The following C17orf75 variants were observed in gnomAD, a reference collection of about 807,000 sequenced individuals.
C17orf75 encodes the protein protein Njmu-R1.
A neutral mutation model predicts 49.6 loss-of-function variants in C17orf75; 32 were observed. The observed-to-expected ratio is 0.65, with a 90% confidence interval of 0.49 to 0.87. The LOEUF (loss-of-function observed/expected upper bound fraction) is 0.87. Among genes scored for constraint, C17orf75 ranks in the 40% least tolerant of loss-of-function variants. The pLI is 0.00. For missense variants in C17orf75, 428 were observed against 473.9 expected (o/e 0.90, Z 0.90); for synonymous variants, 158 against 159.5 (o/e 0.99, Z 0.07).
At chr17:32,341,066 G>C in intron 2 of C17orf75, 138 bp downstream of exon 2, 1 of 863,150 alleles carries the variant, frequency 1.2e-6, no homozygotes, top group South Asian at 1.5e-5. Flanking sequence ...ATCAGGATGA[G>C]GTTCCTAGGG....
chr17:32,344,043 G>C (rs1441158039), upstream of C17orf75: 1 of 668,496 alleles, frequency 1.5e-6, no homozygotes, highest in Non-Finnish European at 2.7e-6. Context: ...CATTGTACTT[G>C]AATAGCCGAC....
intron 1 of C17orf75, among the ~76,000 whole-genome samples, chr17:32,349,291 A>C (rs1232327676): frequency 6.6e-6 from 1 of 151,486 alleles, no homozygotes. Context: ...TCCTCAAGAA[A>C]CCTTTCTTAT....
At chr17:32,341,152 G>T in intron 2 of C17orf75, 52 bp downstream of exon 2, 1 of 1,571,226 alleles carries the variant, frequency 6.4e-7, no homozygotes, top group Non-Finnish European at 8.8e-7. Flanking sequence ...ACAGGCCAGA[G>T]ATGCAGGGAA....
chr17:32,342,594 C>G (rs1239163097), upstream of C17orf75, among the ~76,000 whole-genome samples: 1 of 152,196 alleles, frequency 6.6e-6, no homozygotes, highest in Non-Finnish European at 1.5e-5. Context: ...CCAAACATAA[C>G]AAAACACTTA....
At position 32,342,134 on chromosome 17, in the gene C17orf75, G is replaced by T. The variant is rs747363400; in HGVS notation, c.6C>A (p.Leu2=). 2 of 1,598,526 alleles carry T rather than the reference G, an allele frequency of 1.3e-6. No homozygotes were observed. The highest frequency in any genetic ancestry group is 1.1e-5 in the South Asian group (1 of 88,754). ...CATCCATCGACTCCTGCAAAGAGGG[G>T]AGCATTGCGGCGGCCTCTGAGCGGC... M[L]PSLQESMDGD... The change falls in exon 1 of 10, where the codon CTC becomes CTA. Residue 2 remains leucine (L), a synonymous_variant. Transcript: ENST00000577809.
At chr17:32,349,989 C>T (rs149688022) in exon 1 of C17orf75, 1 of 1,274,274 alleles carries the variant, frequency 7.8e-7, no homozygotes, top group Non-Finnish European at 1.0e-6. Context: ...GCTCCGCAAG[C>T]ACAGCCAGCG....
chr17:32,336,830 CTA>C (rs2041330501), intron 5 of C17orf75, among the ~76,000 whole-genome samples: 1 of 152,132 alleles, frequency 6.6e-6, no homozygotes, highest in South Asian at 2.1e-4. Flanking sequence ...ACTTACAGGA[CTA>C]TGTTTCCTGT....
chr17:32,344,590 C>CA (rs35084298), upstream of C17orf75, among the ~76,000 whole-genome samples: 2,397 of 81,990 alleles, frequency 0.029, 57 homozygotes, highest in African/African-American at 0.069. Flanking sequence ...GACTCTGTCT[C>CA]AAAAAAAAAA....
rs774086413 is a variant in C17orf75, at chr17:32,339,868, G to C, written c.292C>G (p.Leu98Val). ...PELRSFIAKR[L>V]SRGAVFEGLG... ...CCTTCAAAGACTGCACCTCTTGAAA[G>C]ACGCTTAGCAATGAAACTGCGCAGC... Residue 98 changes from leucine (L) to valine (V), a missense_variant, in exon 3 of 10, where the codon CTT becomes GTT. Coordinates refer to ENST00000577809, the MANE Select transcript of C17orf75 (RefSeq NM_022344.4). 1 of 1,614,052 alleles carries C rather than the reference G, an allele frequency of 6.2e-7. No homozygotes were observed. Among genetic ancestry groups the C allele is most frequent in the Non-Finnish European group, 8.5e-7 (1 of 1,179,904 alleles).
At chr17:32,341,090 GA>G in intron 2 of C17orf75, 113 bp downstream of exon 2, 5 of 1,112,052 alleles carry the variant, frequency 4.5e-6, no homozygotes, top group Middle Eastern at 4.0e-4. Flanking sequence ...AGGAGGAATT[GA>G]CGGTTTGACT....
intron 5 of C17orf75, 44 bp from the exon 6 acceptor site, chr17:32,335,486 C>T: frequency 6.3e-7 from 1 of 1,594,090 alleles, no homozygotes; most frequent in Non-Finnish European, 8.5e-7. Flanking sequence ...TAAGCCTTTC[C>T]TTTAGTGGAC....
chr17:32,337,655 C>T (rs1166323481), intron 5 of C17orf75, among the ~76,000 whole-genome samples: 3 of 152,154 alleles, frequency 2.0e-5, no homozygotes, highest in Non-Finnish European at 4.4e-5. Context: ...CTCACTGAAA[C>T]CTCTGCCTCC....
upstream of C17orf75, among the ~76,000 whole-genome samples, chr17:32,345,749 T>A (rs1000939445): frequency 6.6e-6 from 1 of 150,746 alleles, no homozygotes; most frequent in Admixed American, 6.6e-5. Context: ...AGAATCCCCA[T>A]GTTCGTCAGG....
chr17:32,349,024 C>T lies in C17orf75; in HGVS notation c.-7+918G>A, dbSNP rs546141421. 2.4e-4 allele frequency among the ~76,000 whole-genome samples: 36 copies of T among 152,070 alleles called. No homozygotes were observed. The Middle Eastern group carries it at 0.014, about 57-fold the overall frequency. ...GAGGTTACAGGCGCCTGCCACTACG[C>T]CTGGCTAATTTTTGTATTTTTAGTA... On this transcript the variant is annotated intron_variant, in intron 1 of 8. Coordinates refer to the C17orf75 transcript ENST00000583774.
intron 9 of C17orf75, 68 bp downstream of exon 9, chr17:32,333,349 G>T: frequency 1.8e-6 from 2 of 1,092,156 alleles, no homozygotes; most frequent in Non-Finnish European, 2.7e-6. Context: ...TTGTTACTCT[G>T]TCACTGGTAC....
intron 7 of C17orf75, 36 bp downstream of exon 7, chr17:32,334,739 G>A (rs1348746339): frequency 6.4e-7 from 1 of 1,572,358 alleles, no homozygotes; most frequent in Non-Finnish European, 8.7e-7. Flanking sequence ...ATCTTGCTGT[G>A]GAAAAGCTTT....
Position 32,335,373 on chromosome 17 carries a change from G to A in C17orf75, c.619C>T (p.Gln207Ter). ...TCCTGAAAGAGAAGAACAACCCTTT[G>A]GATTGGGCATACAACATCCTCAAAC... ...SWFEDVVCPI[Q>*]RVVLLFQEKL... Residue 207 changes from glutamine to a stop codon, truncating the protein, a stop_gained, in exon 6 of 10, where the codon CAA becomes TAA. Transcript: ENST00000577809. LOFTEE classifies it high-confidence loss of function. 6.2e-7 allele frequency: 1 copy of A among 1,613,916 alleles called. No individual in the cohort carries two copies. The highest frequency in any genetic ancestry group is 8.5e-7 in the Non-Finnish European group (1 of 1,179,842).
At chr17:32,346,762 A>G (rs923615912), upstream of C17orf75, among the ~76,000 whole-genome samples, 8 of 152,112 alleles carry the variant, frequency 5.3e-5, no homozygotes, top group African/African-American at 1.7e-4. Context: ...TAGCAGAGAC[A>G]GGGTTTCACC....
chr17:32,334,904 G>T, intron 6 of C17orf75, 65 bp from the exon 7 acceptor site: 1 of 1,320,974 alleles, frequency 7.6e-7, no homozygotes, highest in Non-Finnish European at 1.0e-6. Flanking sequence ...AGCTACTCAT[G>T]ACTAAATGTC....
Sources: gnomAD v4.1 joint callset for allele counts (sites outside exome capture counted in the v4.1 genomes callset) on GRCh38, gnomAD v4.1.1 for gene constraint, MANE v1.5 for transcripts, NCBI Gene and HGNC (gene_info 2026-07-23, HGNC 2026-07-21) for gene names.